The following ANKS1A variants were observed in gnomAD, a reference collection of about 807,000 sequenced individuals.
ANKS1A encodes ankyrin repeat and SAM domain-containing protein 1A.
ANKS1A carries 55 observed loss-of-function variants against 120.3 expected under a neutral mutation model. That is an observed-to-expected ratio of 0.46 (90% CI 0.37 to 0.57). ANKS1A has a LOEUF of 0.57. Among genes scored for constraint, ANKS1A ranks in the 20% least tolerant of loss-of-function variants. ANKS1A has a pLI of 0.00. For synonymous variants in ANKS1A, 590 were observed against 604.7 expected (o/e 0.98, Z 0.36); for missense variants, 1,123 against 1,480.3 (o/e 0.76, Z 3.96).
At position 34,889,803 on chromosome 6, in the gene ANKS1A, C is replaced by G. The variant is rs891373332; in HGVS notation, c.197+204C>G. Reference sequence around the variant, plus strand: ...GCTGCTCCGGGCTCGCCTGGTCTCCCGTTCTGACCCGGCTGCGAAGAATGG... The same window carrying G: ...GCTGCTCCGGGCTCGCCTGGTCTCCGGTTCTGACCCGGCTGCGAAGAATGG... On this transcript the variant is annotated intron_variant, in intron 1 of 23. Coordinates refer to ENST00000360359, the MANE Select transcript of ANKS1A (RefSeq NM_015245.3). This position sits in a 1 kb window ranked among gnomAD's most constrained non-coding sequence, Gnocchi z 5.5. 6.6e-5 allele frequency among the ~76,000 whole-genome samples: 10 copies of G among 152,114 alleles called. No individual in the cohort carries two copies. Among genetic ancestry groups the G allele is most frequent in the Admixed American group, 3.9e-4 (6 of 15,286 alleles).
At chr6:34,972,700 T>C in intron 3 of ANKS1A, 1 of 900,784 alleles carries the variant, frequency 1.1e-6, no homozygotes, top group Non-Finnish European at 1.3e-6. Flanking sequence ...GTACCTCCTC[T>C]TTGGTCCTCT....
In ANKS1A at chr6:35,080,978, A is replaced by AT. The variant is rs1777638315; in HGVS notation, c.2545-11dup. 2 of 1,608,164 alleles carry AT rather than the reference A, an allele frequency of 1.2e-6. No homozygotes were observed. Among genetic ancestry groups the AT allele is most frequent in the East Asian group, 4.5e-5 (2 of 44,656 alleles). On this transcript the variant is annotated splice_polypyrimidine_tract_variant and intron_variant, in intron 16 of 23. Coordinates refer to ENST00000360359, the MANE Select transcript of ANKS1A (RefSeq NM_015245.3). ...GCCGAGGGTTGCAAGTTCCACCTGG[A>AT]TTTTTCCCTCCACAGTGCCAAGATT...
intron 8 of ANKS1A, among the ~76,000 whole-genome samples, chr6:34,988,433 A>T (rs924590106): frequency 1.3e-5 from 2 of 152,144 alleles, no homozygotes; most frequent in Non-Finnish European, 2.9e-5. Context: ...TGTCTCTACT[A>T]AAAATACAAA....
intron 1 of ANKS1A, among the ~76,000 whole-genome samples, chr6:34,901,723 C>G (rs1339865051): frequency 6.6e-6 from 1 of 152,168 alleles, no homozygotes; most frequent in African/African-American, 2.4e-5. Context: ...GTTTCCCAGG[C>G]TGGTCTTGAA....
rs1277093363 is a variant in ANKS1A at position 35,089,207 on chromosome 6, G to GACACAGGCTTCTCGTAAGA, written c.*605_*623dup. The GACACAGGCTTCTCGTAAGA allele has an allele frequency of 2.0e-6, 2 of 994,044 alleles. No individual in the cohort carries two copies. Among genetic ancestry groups the GACACAGGCTTCTCGTAAGA allele is most frequent in the African/African-American group, 3.5e-5 (2 of 57,442 alleles). The allele number at this position is 994,044 out of a possible 1,614,324, so 61.6% of individuals were successfully genotyped here. A position where few individuals can be genotyped will look rare whatever the true frequency, so the allele number is the denominator to read the frequency against. On this transcript the variant is annotated 3_prime_UTR_variant, in exon 24 of 24. Transcript: ENST00000360359. ...AACTTCCTGTCCCTTTCAGGGGCTA[G>GACACAGGCTTCTCGTAAGA]ACACAGGCTTCTCGTAAGAACACAG...
At chr6:35,083,995 T>G in intron 20 of ANKS1A, 126 bp from the exon 21 acceptor site, 1 of 1,417,026 alleles carries the variant, frequency 7.1e-7, no homozygotes, top group Non-Finnish European at 9.6e-7. Context: ...AATGAGAAGA[T>G]GAAGGGGGGT....
intron 3 of ANKS1A, chr6:34,972,542 A>C (rs1771237000): frequency 4.2e-6 from 4 of 961,692 alleles, no homozygotes; most frequent in African/African-American, 1.8e-5. Flanking sequence ...TATTTCATCC[A>C]TTTTGTCATC....
intron 12 of ANKS1A, among the ~76,000 whole-genome samples, chr6:35,054,417 A>C (rs1006042736): frequency 6.6e-6 from 1 of 152,218 alleles, no homozygotes; most frequent in African/African-American, 2.4e-5. Context: ...CTATTGGGAA[A>C]AATTTTTAGA....
At chr6:34,906,675 A>G (rs181039433) in intron 1 of ANKS1A, among the ~76,000 whole-genome samples, 118 of 152,366 alleles carry the variant, frequency 7.7e-4, no homozygotes, top group African/African-American at 2.6e-3. Flanking sequence ...GGCAAGATCT[A>G]CCAGTGAAGA....
rs778369350 is a variant in ANKS1A, at chr6:35,082,392, C to T, written c.2710-299C>T. Among the ~76,000 whole-genome samples the T allele has an allele frequency of 2.0e-5, 3 of 151,988 alleles. No homozygotes were observed. The highest frequency in any genetic ancestry group is 4.4e-5 in the Non-Finnish European group (3 of 67,988). On this transcript the variant is annotated intron_variant, in intron 17 of 23. Transcript: ENST00000360359. This position sits in a 1 kb window ranked among gnomAD's most constrained non-coding sequence, Gnocchi z 4.1. ...CCTGTGCCCCCCACACAGACTCTGC[C>T]ATCTCCTCTCTGGTCATTTCCCATC...
chr6:34,983,837 G>A (rs1305765385), intron 7 of ANKS1A, among the ~76,000 whole-genome samples: 2 of 150,318 alleles, frequency 1.3e-5, no homozygotes, highest in Non-Finnish European at 2.9e-5. Flanking sequence ...TGTTGCCCAG[G>A]CTGGAGTGCA....
chr6:35,004,268 T>G (rs1372590022), intron 10 of ANKS1A, among the ~76,000 whole-genome samples: 3 of 152,110 alleles, frequency 2.0e-5, no homozygotes, highest in Non-Finnish European at 4.4e-5. Context: ...TTCACTATCT[T>G]GGTGTCTGAG....
intron 1 of ANKS1A, among the ~76,000 whole-genome samples, chr6:34,890,627 G>T (rs1004718117): frequency 1.3e-5 from 2 of 152,162 alleles, no homozygotes; most frequent in African/African-American, 4.8e-5. Context: ...GTTGTTAAAC[G>T]CTTCAATCTG....
chr6:34,918,441 C>A lies in ANKS1A; in HGVS notation c.197+28842C>A, dbSNP rs569893996. On this transcript the variant is annotated intron_variant, in intron 1 of 23. Transcript: ENST00000360359. ...ACAAATGAAGATGTTCCAAACAGCA[C>A]CTGGCACGTGGTATGTGCTTATTAA... 5.3e-5 allele frequency among the ~76,000 whole-genome samples: 8 copies of A among 152,290 alleles called. No homozygotes were observed. The South Asian group carries it at 1.7e-3, about 32-fold the overall frequency.
chr6:34,991,559 C>T (rs1268634414), intron 9 of ANKS1A, among the ~76,000 whole-genome samples: 3 of 134,040 alleles, frequency 2.2e-5, no homozygotes, highest in East Asian at 2.3e-4. Flanking sequence ...CACACACACA[C>T]ACACACACAC....
rs560523854 is a variant in ANKS1A at position 35,021,175 on chromosome 6, C to T, written c.2010+3116C>T. On this transcript the variant is annotated intron_variant, in intron 11 of 23. Transcript: ENST00000360359. ...GGCATTAGTTAATGGCTGCTCCCCA[C>T]CCTATCCCTGACCAGTGCCTGTAGC... Among the ~76,000 whole-genome samples, 7 of 152,054 alleles carry T rather than the reference C, an allele frequency of 4.6e-5. No homozygotes were observed. In the East Asian group the frequency reaches 1.4e-3, roughly 30 times the overall value.
chr6:35,096,485 G>A, the ANKS1A span, among the ~76,000 whole-genome samples: 2 of 152,146 alleles, frequency 1.3e-5, no homozygotes, highest in Non-Finnish European at 2.9e-5. Context: ...CTGCACACCT[G>A]GGTTAAAAGT....
chr6:34,928,997 A>G (rs1768845080), intron 1 of ANKS1A, among the ~76,000 whole-genome samples: 1 of 152,186 alleles, frequency 6.6e-6, no homozygotes, highest in South Asian at 2.1e-4. Flanking sequence ...TTTAAGCCTC[A>G]GTTTCTTAGA....
chr6:34,940,263 G>A (rs893347261), intron 1 of ANKS1A, among the ~76,000 whole-genome samples: 1 of 152,208 alleles, frequency 6.6e-6, no homozygotes, highest in Admixed American at 6.5e-5. Flanking sequence ...AGCACTTTGT[G>A]TTGACTGATG....
Sources: gnomAD v4.1 joint callset for allele counts (sites outside exome capture counted in the v4.1 genomes callset) on GRCh38, gnomAD v4.1.1 for gene constraint, Gnocchi (gnomAD v3.1) non-coding constraint, MANE v1.5 for transcripts, NCBI Gene and HGNC (gene_info 2026-07-23, HGNC 2026-07-21) for gene names.